DNAAF1: variants seen among roughly 807,000 people sequenced by gnomAD.
DNAAF1 encodes the protein dynein axonemal assembly factor 1.
In DNAAF1, 65 loss-of-function variants were observed where a neutral mutation model predicts 71.1. The ratio of observed to expected loss-of-function variants is 0.91; its 90% CI spans 0.75 to 1.12. The LOEUF (loss-of-function observed/expected upper bound fraction) is 1.12, where lower values mean the gene tolerates loss of function less well. Ranked by LOEUF, DNAAF1 falls within the 50% of genes most tolerant of loss-of-function variation. The pLI is 0.00. For missense variants in DNAAF1, 1,178 were observed against 899.8 expected (o/e 1.31, Z -3.96); for synonymous variants, 414 against 354.6 (o/e 1.17, Z -1.88).
At chr16:84,160,222 T>A (rs1471417658) in intron 6 of DNAAF1, among the ~76,000 whole-genome samples, 1 of 152,196 alleles carries the variant, frequency 6.6e-6, no homozygotes, top group Non-Finnish European at 1.5e-5. Context: ...CGTACCCCAT[T>A]GTTTTAAATT....
intron 6 of DNAAF1, among the ~76,000 whole-genome samples, chr16:84,161,058 G>A (rs2087687942): frequency 6.6e-6 from 1 of 152,170 alleles, no homozygotes; most frequent in Non-Finnish European, 1.5e-5. Flanking sequence ...CAGTGTGCAG[G>A]GGTCTGACTC....
chr16:84,152,013 A>T (rs114966644), intron 3 of DNAAF1, among the ~76,000 whole-genome samples: 104 of 152,326 alleles, frequency 6.8e-4, no homozygotes, highest in African/African-American at 2.5e-3. Flanking sequence ...ATTGACTAGG[A>T]GGGTGATCCA....
At chr16:84,171,535 C>T (rs143508199) in intron 8 of DNAAF1, among the ~76,000 whole-genome samples, 2 of 152,340 alleles carry the variant, frequency 1.3e-5, no homozygotes, top group Admixed American at 6.5e-5. Flanking sequence ...ATTCCTCAGG[C>T]GATCTCACAG....
chr16:84,168,827 T>TACACGCACAC (rs145304597), intron 7 of DNAAF1, among the ~76,000 whole-genome samples: 2,427 of 145,996 alleles, frequency 0.017, 26 homozygotes, highest in Non-Finnish European at 0.026. Context: ...ATTTGCCACA[T>TACACGCACAC]ACACACACAC....
chr16:84,149,092 A>G lies in DNAAF1; in HGVS notation c.210A>G (p.Ser70=). ...SQQKQSGDNG[S]GGHFAHPRED... ...AGAAACAGAGTGGTGATAATGGGTC[A>G]GGTGGTCACTTCGCACACCCAAGAG... Residue 70 remains serine (S), a synonymous_variant, in exon 2 of 12, where the codon TCA becomes TCG. Coordinates refer to ENST00000378553, the MANE Select transcript of DNAAF1 (RefSeq NM_178452.6). 6.2e-7 allele frequency: 1 copy of G among 1,614,192 alleles called. No homozygotes were observed. The highest frequency in any genetic ancestry group is 8.5e-7 in the Non-Finnish European group (1 of 1,180,032).
intron 9 of DNAAF1, chr16:84,172,616 G>C: frequency 1.5e-6 from 2 of 1,347,662 alleles, no homozygotes; most frequent in South Asian, 1.5e-5. Context: ...CTCAAGTTTG[G>C]GGAGCCCTGA....
intron 10 of DNAAF1, 56 bp downstream of exon 10, chr16:84,174,778 T>C: frequency 6.2e-7 from 1 of 1,609,232 alleles, no homozygotes; most frequent in African/African-American, 1.3e-5. Flanking sequence ...CCTTCGTTCT[T>C]GTCGTTTACC....
At chr16:84,154,917 G>C in intron 4 of DNAAF1, 119 bp downstream of exon 4, 1 of 902,892 alleles carries the variant, frequency 1.1e-6, no homozygotes, top group Non-Finnish European at 1.7e-6. Flanking sequence ...TCTTTTTTTT[G>C]TTTTTTTTTG....
chr16:84,151,679 G>A (rs2087189778), intron 3 of DNAAF1, among the ~76,000 whole-genome samples: 1 of 152,170 alleles, frequency 6.6e-6, no homozygotes, highest in Non-Finnish European at 1.5e-5. Context: ...CGGGAACTCG[G>A]GAGTCATCAG....
At chr16:84,165,666 G>C in intron 6 of DNAAF1, 117 bp from the exon 7 acceptor site, 1 of 975,538 alleles carries the variant, frequency 1.0e-6, no homozygotes. Context: ...TTTTATCCTT[G>C]CAGTCACATG....
At chr16:84,169,651 C>A (rs1330274526) in intron 7 of DNAAF1, among the ~76,000 whole-genome samples, 1 of 150,626 alleles carries the variant, frequency 6.6e-6, no homozygotes, top group African/African-American at 2.4e-5. Context: ...GAACTCCTGG[C>A]CTCAAGTGAT....
intron 11 of DNAAF1, 126 bp from the exon 12 acceptor site, chr16:84,177,603 A>G (rs1175231918): frequency 1.3e-6 from 1 of 798,270 alleles, no homozygotes; most frequent in Non-Finnish European, 2.2e-6. Flanking sequence ...TGCTGGGATT[A>G]CAGGTATGAG....
chr16:84,170,333 C>T lies in DNAAF1; in HGVS notation c.1505C>T (p.Pro502Leu), dbSNP rs11644164. The T allele has an allele frequency of 0.36, 582,493 of 1,613,566 alleles. 107,765 individuals carry two copies. The highest frequency in any genetic ancestry group is 0.38 in the Non-Finnish European group (450,855 of 1,179,886). ...GTLPAEAPPP[P>L]PLGAAREEPT... ...CTCCCAGCTGAGGCCCCACCACCACCGCCCCTGGGAGCTGCCAGGGAAGGT... is the reference window on the plus strand; with the variant it reads ...CTCCCAGCTGAGGCCCCACCACCACTGCCCCTGGGAGCTGCCAGGGAAGGT... The change falls in exon 8 of 12, where the codon CCG becomes CTG. Residue 502 changes from proline to leucine, a missense_variant. Transcript: ENST00000378553.
intron 11 of DNAAF1, 138 bp from the exon 12 acceptor site, chr16:84,177,591 A>T (rs750840820): frequency 1.3e-6 from 1 of 750,420 alleles, no homozygotes; most frequent in African/African-American, 1.7e-5. Context: ...GGCCTCCCAA[A>T]GTGCTGGGAT....
chr16:84,153,914 G>A (rs1450389184), intron 3 of DNAAF1, among the ~76,000 whole-genome samples: 2 of 152,044 alleles, frequency 1.3e-5, no homozygotes, highest in African/African-American at 4.8e-5. Context: ...CACCCTCCCA[G>A]GTGGGTAATT....
chr16:84,165,371 A>G (rs1275627635), intron 6 of DNAAF1, among the ~76,000 whole-genome samples: 1 of 152,004 alleles, frequency 6.6e-6, no homozygotes, highest in Non-Finnish European at 1.5e-5. Flanking sequence ...TTTTCAGTAG[A>G]GACAGGGTTT....
At chr16:84,166,650 G>A (rs535927324) in intron 7 of DNAAF1, among the ~76,000 whole-genome samples, 1 of 152,272 alleles carries the variant, frequency 6.6e-6, no homozygotes, top group South Asian at 2.1e-4. Context: ...TGGGATTATA[G>A]GCATGAGCTG....
chr16:84,172,596 C>T, intron 9 of DNAAF1: 2 of 1,369,056 alleles, frequency 1.5e-6, no homozygotes, highest in South Asian at 3.0e-5. Flanking sequence ...GTGATTCGTG[C>T]ACATGCATGC....
In DNAAF1 at chr16:84,145,453, C is replaced by G. The variant is rs1024875120; in HGVS notation, c.13C>G (p.Pro5Ala). The change falls in exon 1 of 12, where the codon CCC becomes GCC. Residue 5 changes from proline (P) to alanine (A), a missense_variant. Coordinates refer to ENST00000378553, the MANE Select transcript of DNAAF1 (RefSeq NM_178452.6). ...CGCCGAAGTAAACATGCACCCTGAG[C>G]CCTCGGAGCCTGCGACAGGTGGTGC... MHPE[P>A]SEPATGGAAE... 7.0e-6 allele frequency: 11 copies of G among 1,580,476 alleles called. No individual in the cohort carries two copies. The highest frequency in any genetic ancestry group is 3.7e-5 in the Admixed American group (2 of 54,062).
Sources: allele counts gnomAD v4.1 joint callset (sites outside exome capture counted in the v4.1 genomes callset), GRCh38; gene constraint gnomAD v4.1.1; transcripts MANE v1.5; gene names NCBI Gene and HGNC (gene_info 2026-07-23, HGNC 2026-07-21).